DOCK5: variants seen among roughly 807,000 people sequenced by gnomAD.
The protein encoded by DOCK5 is dedicator of cytokinesis 5, also known as dedicator of cytokinesis protein 5.
A neutral mutation model predicts 251.8 loss-of-function variants in DOCK5; 142 were observed. The observed-to-expected ratio is 0.56, with a 90% CI of 0.49 to 0.65. DOCK5 has a LOEUF of 0.65. DOCK5 is among the 30% of genes least tolerant of loss of function. DOCK5 has a pLI of 0.00. For missense variants in DOCK5, 2,111 were observed against 2,312.3 expected, an observed-to-expected ratio of 0.91 and a Z score of 1.79; for synonymous variants, 842 against 835.5, an observed-to-expected ratio of 1.01 and a Z score of -0.13.
At chr8:25,341,638 A>C in intron 23 of DOCK5, 101 bp from the exon 24 acceptor site, 1 of 939,560 alleles carries the variant, frequency 1.1e-6, no homozygotes, top group Non-Finnish European at 1.7e-6. Flanking sequence ...CCAGTTCCCT[A>C]TATAAGTTCC....
At chr8:25,386,263 G>A (rs1801162803) in intron 40 of DOCK5, among the ~76,000 whole-genome samples, 1 of 152,094 alleles carries the variant, frequency 6.6e-6, no homozygotes, top group African/African-American at 2.4e-5. Context: ...GGATGAGGTG[G>A]ACCAGGCAGA....
chr8:25,373,785 C>A, intron 36 of DOCK5, 127 bp downstream of exon 36: 1 of 840,774 alleles, frequency 1.2e-6, no homozygotes, highest in Non-Finnish European at 1.9e-6. Context: ...GTACATGATA[C>A]GCTCCATTCA....
chr8:25,230,571 C>T (rs1802643894), intron 1 of DOCK5, among the ~76,000 whole-genome samples: 1 of 152,126 alleles, frequency 6.6e-6, no homozygotes. Flanking sequence ...TTATACCAGG[C>T]TGGGCATGGT....
chr8:25,361,753 A>C (rs1800685662), intron 28 of DOCK5, among the ~76,000 whole-genome samples: 1 of 152,172 alleles, frequency 6.6e-6, no homozygotes, highest in Admixed American at 6.5e-5. Context: ...TTGCACACAC[A>C]CACTGGCCGG....
intron 27 of DOCK5, among the ~76,000 whole-genome samples, chr8:25,358,569 C>G (rs1226963878): frequency 6.6e-6 from 1 of 152,172 alleles, no homozygotes; most frequent in African/African-American, 2.4e-5. Flanking sequence ...TTCCTGCTAG[C>G]CTTCCTCCCC....
At chr8:25,281,623 G>C (rs1241422688) in intron 5 of DOCK5, among the ~76,000 whole-genome samples, 1 of 151,618 alleles carries the variant, frequency 6.6e-6, no homozygotes, top group South Asian at 2.1e-4. Context: ...GTTCACGCCT[G>C]TAATCCCAGC....
chr8:25,240,954 C>T (rs1802924485), intron 1 of DOCK5, among the ~76,000 whole-genome samples: 1 of 152,164 alleles, frequency 6.6e-6, no homozygotes, highest in South Asian at 2.1e-4. Context: ...CTCTGACTTG[C>T]AGTCACATCA....
Position 25,300,565 on chromosome 8 carries a change from T to C in DOCK5, c.765-11T>C, listed in dbSNP as rs201304925. On this transcript the variant is annotated splice_polypyrimidine_tract_variant and intron_variant, in intron 8 of 51. Coordinates refer to ENST00000276440, the MANE Select transcript of DOCK5 (RefSeq NM_024940.8). ...CCTCTCATTAAGAGCAATTTTTTTT[T>C]CCTTTGCCAGTGAGAACTATCTAAT... is the stretch of plus-strand genomic sequence containing the variant. 6.3e-7 allele frequency: 1 copy of C among 1,597,786 alleles called. No individual in the cohort carries two copies. Among genetic ancestry groups the C allele is most frequent in the East Asian group, 2.2e-5 (1 of 44,448 alleles).
At chr8:25,392,438 C>G (rs1292810043) in intron 43 of DOCK5, among the ~76,000 whole-genome samples, 2 of 152,078 alleles carry the variant, frequency 1.3e-5, no homozygotes, top group Admixed American at 6.5e-5. Context: ...ACAGCAAGTA[C>G]TAATTACCTA....
At chr8:25,410,939 A>ATGTGTGTGTGTGTGTGTGTG (rs763758410) in intron 51 of DOCK5, among the ~76,000 whole-genome samples, 1 of 102,150 alleles carries the variant, frequency 9.8e-6, no homozygotes, top group African/African-American at 3.3e-5. Flanking sequence ...GAGAGAGAAA[A>ATGTGTGTGTGTGTGTGTGTG]TGTGTGTGTG....
chr8:25,366,206 C>T (rs963391634), intron 30 of DOCK5, among the ~76,000 whole-genome samples: 3 of 152,116 alleles, frequency 2.0e-5, no homozygotes, highest in Non-Finnish European at 4.4e-5. Context: ...AATATTCGTG[C>T]TTGGCTGGGC....
intron 2 of DOCK5, among the ~76,000 whole-genome samples, chr8:25,263,444 C>T (rs1475454463): frequency 6.6e-6 from 1 of 151,934 alleles, no homozygotes; most frequent in Non-Finnish European, 1.5e-5. Flanking sequence ...CCCAATCCGG[C>T]AGCACAGGGT....
At position 25,373,481 on chromosome 8, in the gene DOCK5, G is replaced by A. The variant is rs962973847; in HGVS notation, c.3685-137G>A. The A allele has an allele frequency of 3.7e-6, 3 of 805,640 alleles. No individual in the cohort carries two copies. In the Admixed American group the frequency reaches 8.1e-5, roughly 22 times the overall value. The allele number at this position is 805,640 out of a possible 1,614,324, so 49.9% of individuals were successfully genotyped here. A position where few individuals can be genotyped will look rare whatever the true frequency, so the allele number is the denominator to read the frequency against. On this transcript the variant is annotated intron_variant, in intron 35 of 51. Coordinates refer to ENST00000276440, the MANE Select transcript of DOCK5 (RefSeq NM_024940.8). ...GGATAAATATCCCCTTTTCTTATGG[G>A]GATATTTGTTAAAGGGAAACAGTGA...
chr8:25,362,462 C>CTTTTTTTTTTTTTTTTTTTTTTTTT (rs869096662), intron 28 of DOCK5, among the ~76,000 whole-genome samples: 1 of 54,634 alleles, frequency 1.8e-5, no homozygotes, highest in African/African-American at 5.8e-5. Context: ...CTTTTCTTTT[C>CTTTTTTTTTTTTTTTTTTTTTTTTT]TTTTTTTTTT....
intron 1 of DOCK5, among the ~76,000 whole-genome samples, chr8:25,209,308 C>G (rs1802076104): frequency 2.8e-5 from 2 of 71,008 alleles, no homozygotes; most frequent in African/African-American, 6.4e-5. Context: ...GGTCGCTACT[C>G]TGGGAGCCCA....
chr8:25,312,510 C>A (rs1283988735), intron 13 of DOCK5, among the ~76,000 whole-genome samples: 1 of 152,136 alleles, frequency 6.6e-6, no homozygotes, highest in African/African-American at 2.4e-5. Flanking sequence ...CATCGGTAAT[C>A]CCAGCACTTT....
At chr8:25,327,993 A>G (rs1376319441) in intron 18 of DOCK5, among the ~76,000 whole-genome samples, 1 of 152,156 alleles carries the variant, frequency 6.6e-6, no homozygotes, top group East Asian at 1.9e-4. Flanking sequence ...CACTGCAAAT[A>G]CATACAATTT....
intron 28 of DOCK5, among the ~76,000 whole-genome samples, chr8:25,361,906 G>A (rs1563216182): frequency 6.6e-6 from 1 of 152,214 alleles, no homozygotes; most frequent in Non-Finnish European, 1.5e-5. Flanking sequence ...GAACTGTGTA[G>A]GTTAGTGCCA....
intron 1 of DOCK5, among the ~76,000 whole-genome samples, chr8:25,242,214 A>G (rs921491207): frequency 6.6e-6 from 1 of 152,068 alleles, no homozygotes; most frequent in Non-Finnish European, 1.5e-5. Flanking sequence ...CACAGGTTCC[A>G]GGGATTTGAT....
Sources: gnomAD v4.1 joint callset for allele counts (sites outside exome capture counted in the v4.1 genomes callset) on GRCh38, gnomAD v4.1.1 for gene constraint, MANE v1.5 for transcripts, NCBI Gene and HGNC (gene_info 2026-07-23, HGNC 2026-07-21) for gene names.